Variants in PAX9 observed in about 807,000 individuals in gnomAD.
PAX9 encodes the protein paired box protein Pax-9.
In PAX9, 6 loss-of-function variants were observed where a neutral mutation model predicts 29.1. The ratio of observed to expected loss-of-function variants is 0.21; its 90% CI spans 0.11 to 0.41. The LOEUF (loss-of-function observed/expected upper bound fraction) is 0.41. Among genes scored for constraint, PAX9 ranks in the 10% least tolerant of loss-of-function variants. The pLI is 1.00. For missense variants in PAX9, 443 were observed against 479.1 expected, an observed-to-expected ratio of 0.92 and a Z score of 0.70; for synonymous variants, 217 against 211.7, an observed-to-expected ratio of 1.03 and a Z score of -0.22.
At chr14:36,667,882 G>T (rs1211334556) in intron 3 of PAX9, among the ~76,000 whole-genome samples, 1 of 152,202 alleles carries the variant, frequency 6.6e-6, no homozygotes, top group Admixed American at 6.5e-5. Flanking sequence ...AATTTGCAAA[G>T]AAAAGGCAGA....
chr14:36,668,199 G>C (rs1459959983), intron 3 of PAX9, among the ~76,000 whole-genome samples: 1 of 152,168 alleles, frequency 6.6e-6, no homozygotes, highest in Non-Finnish European at 1.5e-5. Context: ...ACAATAGAAA[G>C]AGTGTATATA....
At chr14:36,665,140 T>TG (rs1881439424) in intron 2 of PAX9, among the ~76,000 whole-genome samples, 2 of 133,930 alleles carry the variant, frequency 1.5e-5, no homozygotes, top group Non-Finnish European at 3.1e-5. Context: ...ATCTAATTCT[T>TG]GGGGGTGGTA....
chr14:36,659,452 TGTCTGCAGCTTCGGCTTCTCTTGCTCCCA>T (rs370186850), upstream of PAX9, among the ~76,000 whole-genome samples: 6 of 152,212 alleles, frequency 3.9e-5, no homozygotes, highest in Admixed American at 6.5e-5. Context: ...CCGCTGACCC[TGTCTGCAGCTTCGGCTTCTCTTGCTCCCA>T]GAGCGGGGTC....
At position 36,678,655 on chromosome 14, in the gene PAX9, TA is replaced by T. The variant is rs33991803; in HGVS notation, c.*2209del. On this transcript the variant is annotated 3_prime_UTR_variant, in exon 4 of 4. Coordinates refer to ENST00000361487, the MANE Select transcript of PAX9 (RefSeq NM_001372076.1). ...TTTTTAGGTGGCTGTTAGGGGGCTT[TA>T]AAAAATATTACTTGCTTGTGTGGAA... is the stretch of plus-strand genomic sequence containing the variant. 3,065 of 1,257,430 alleles carry T rather than the reference TA, an allele frequency of 2.4e-3. 59 individuals carry two copies. In the African/African-American group the frequency reaches 0.041, roughly 17 times the overall value. 77.9% of individuals were successfully genotyped at this position (1,257,430 alleles called of 1,614,324 possible). A position where few individuals can be genotyped will look rare whatever the true frequency, so the allele number is the denominator to read the frequency against.
intron 3 of PAX9, among the ~76,000 whole-genome samples, chr14:36,669,132 A>G (rs1314442218): frequency 6.6e-6 from 1 of 152,216 alleles, no homozygotes; most frequent in Non-Finnish European, 1.5e-5. Flanking sequence ...TATGATAATT[A>G]TCAAAATAGT....
chr14:36,666,424 T>C, intron 2 of PAX9, 38 bp from the exon 3 acceptor site: 1 of 1,600,156 alleles, frequency 6.2e-7, no homozygotes, highest in Non-Finnish European at 8.5e-7. Context: ...GCGCGCGGGC[T>C]GGGCCTCCGG....
At chr14:36,659,394 G>T (rs932596559), upstream of PAX9, among the ~76,000 whole-genome samples, 3 of 152,120 alleles carry the variant, frequency 2.0e-5, no homozygotes, top group Non-Finnish European at 4.4e-5. Flanking sequence ...CCTAGCACTC[G>T]GTCCGCGCCC....
chr14:36,661,768 C>T (rs1268718883), upstream of PAX9: 6 of 479,578 alleles, frequency 1.3e-5, no homozygotes, highest in African/African-American at 8.1e-5. Flanking sequence ...CGCTCACCGA[C>T]CCGCACCAAT....
At position 36,679,253 on chromosome 14, in the gene PAX9, A is replaced by C; in HGVS notation, c.*2801A>C. 1 of 984,046 alleles carries C rather than the reference A, an allele frequency of 1.0e-6. No individual in the cohort carries two copies. Among genetic ancestry groups the C allele is most frequent in the Non-Finnish European group, 1.2e-6 (1 of 828,678 alleles). 61.0% of individuals were successfully genotyped at this position (984,046 alleles called of 1,614,324 possible). A position where few individuals can be genotyped will look rare whatever the true frequency, so the allele number is the denominator to read the frequency against. On this transcript the variant is annotated 3_prime_UTR_variant, in exon 4 of 4. Transcript: ENST00000361487. ...TTGGACTGAAATATAAATTTTAAAA[A>C]ACACGTTGGAAAGGATGTACAACAG...
chr14:36,659,935 T>C (rs766346660), upstream of PAX9, among the ~76,000 whole-genome samples: 2 of 152,190 alleles, frequency 1.3e-5, no homozygotes, highest in Non-Finnish European at 2.9e-5. Context: ...TCTTGCCTGT[T>C]CGTATGCGAA....
chr14:36,661,157 G>A (rs1881246085), upstream of PAX9, among the ~76,000 whole-genome samples: 1 of 152,254 alleles, frequency 6.6e-6, no homozygotes, highest in Admixed American at 6.5e-5. Context: ...TTAGCCGCCT[G>A]TGGTTCAGTT....
Position 36,678,426 on chromosome 14 carries a change from C to G in PAX9, c.*1974C>G. ...TAAGCAGAAGGAGCAGATGAACTCT[C>G]AGGGCCATAGTCTTCCTTTGATCTT... is the stretch of plus-strand genomic sequence containing the variant. On this transcript the variant is annotated 3_prime_UTR_variant, in exon 4 of 4. Coordinates refer to ENST00000361487, the MANE Select transcript of PAX9 (RefSeq NM_001372076.1). 2.9e-6 allele frequency: 4 copies of G among 1,374,154 alleles called. No homozygotes were observed. The highest frequency in any genetic ancestry group is 4.0e-6 in the Non-Finnish European group (4 of 998,404). 85.1% of individuals were successfully genotyped at this position (1,374,154 alleles called of 1,614,324 possible). A position where few individuals can be genotyped will look rare whatever the true frequency, so the allele number is the denominator to read the frequency against.
intron 1 of PAX9, 194 bp from the exon 2 acceptor site, chr14:36,662,703 G>C (rs1168477670): frequency 3.1e-6 from 2 of 650,798 alleles, no homozygotes; most frequent in African/African-American, 3.6e-5. Context: ...AATGAGGGAG[G>C]GGGTCCGATT....
chr14:36,677,865 T>G lies in PAX9; in HGVS notation c.*1413T>G, dbSNP rs1452789299. Reference sequence around the variant, plus strand: ...GTTAATAACAGTTGTGGAGTATATGTGTGTGTGAGCATGTGAGTATGTGTT... The same window carrying G: ...GTTAATAACAGTTGTGGAGTATATGGGTGTGTGAGCATGTGAGTATGTGTT... On this transcript the variant is annotated 3_prime_UTR_variant, in exon 4 of 4. Coordinates refer to ENST00000361487, the MANE Select transcript of PAX9 (RefSeq NM_001372076.1). 6.6e-6 allele frequency: 1 copy of G among 152,338 alleles called. No homozygotes were observed. Among genetic ancestry groups the G allele is most frequent in the African/African-American group, 2.4e-5 (1 of 41,440 alleles). The allele number at this position is 152,338 out of a possible 1,614,324, so 9.4% of individuals were successfully genotyped here. A position where few individuals can be genotyped will look rare whatever the true frequency, so the allele number is the denominator to read the frequency against.
At chr14:36,668,578 AG>A (rs1476752995) in intron 3 of PAX9, among the ~76,000 whole-genome samples, 4 of 152,024 alleles carry the variant, frequency 2.6e-5, no homozygotes, top group Non-Finnish European at 4.4e-5. Context: ...TAGTAGAGAG[AG>A]GGTTTCACCA....
chr14:36,667,915 C>T (rs951330067), intron 3 of PAX9, among the ~76,000 whole-genome samples: 55 of 152,196 alleles, frequency 3.6e-4, no homozygotes, highest in African/African-American at 1.1e-3. Context: ...TTAGGAGCTC[C>T]GATCTCTGGC....
upstream of PAX9, among the ~76,000 whole-genome samples, chr14:36,659,622 C>T (rs1881180936): frequency 6.6e-6 from 1 of 152,232 alleles, no homozygotes; most frequent in African/African-American, 2.4e-5. Context: ...GCCGCCAGAG[C>T]TGCGGACAGG....
rs538324536 is a variant in PAX9, at chr14:36,676,527, A to G, written c.*75A>G. 2 of 1,547,096 alleles carry G rather than the reference A, an allele frequency of 1.3e-6. No homozygotes were observed. Among genetic ancestry groups the G allele is most frequent in the South Asian group, 2.3e-5 (2 of 88,326 alleles). On this transcript the variant is annotated 3_prime_UTR_variant, in exon 4 of 4. Transcript: ENST00000361487. ...CCTCCTCCCCCAATTCCCAGGTCTC[A>G]CATCCCACCCCTCCTGCCCTCCAAC... is the stretch of plus-strand genomic sequence containing the variant.
In PAX9 at chr14:36,678,422, C is replaced by G; in HGVS notation, c.*1970C>G. On this transcript the variant is annotated 3_prime_UTR_variant, in exon 4 of 4. Coordinates refer to ENST00000361487, the MANE Select transcript of PAX9 (RefSeq NM_001372076.1). ...AGAATAAGCAGAAGGAGCAGATGAA[C>G]TCTCAGGGCCATAGTCTTCCTTTGA... The G allele has an allele frequency of 2.2e-6, 3 of 1,336,420 alleles. No homozygotes were observed. Among genetic ancestry groups the G allele is most frequent in the Non-Finnish European group, 3.1e-6 (3 of 964,242 alleles). 82.8% of individuals were successfully genotyped at this position (1,336,420 alleles called of 1,614,324 possible). A position where few individuals can be genotyped will look rare whatever the true frequency, so the allele number is the denominator to read the frequency against.
Sources: gnomAD v4.1 joint callset for allele counts (sites outside exome capture counted in the v4.1 genomes callset) on GRCh38, gnomAD v4.1.1 for gene constraint, MANE v1.5 for transcripts, NCBI Gene and HGNC (gene_info 2026-07-23, HGNC 2026-07-21) for gene names.